LRRC43: variants seen among roughly 807,000 people sequenced by gnomAD.
LRRC43 encodes leucine rich repeat containing 43.
In LRRC43, 62 loss-of-function variants were observed where a neutral mutation model predicts 64.3. The ratio of observed to expected loss-of-function variants is 0.96; its 90% CI spans 0.79 to 1.19. The LOEUF is 1.19. Ranked by LOEUF, LRRC43 falls within the 50% of genes most tolerant of loss-of-function variation. The pLI is 0.00. For synonymous variants in LRRC43, 422 were observed against 382.3 expected (o/e 1.10, Z -1.21); for missense variants, 868 against 845.0 (o/e 1.03, Z -0.34).
chr12:122,202,806 CT>C (rs1305059648), intron 11 of LRRC43, among the ~76,000 whole-genome samples: 3 of 152,156 alleles, frequency 2.0e-5, no homozygotes, highest in African/African-American at 7.2e-5. Flanking sequence ...AAGAAAATAT[CT>C]GCAGCTGGGC....
upstream of LRRC43, among the ~76,000 whole-genome samples, chr12:122,181,000 G>A (rs1320251412): frequency 6.6e-6 from 1 of 151,620 alleles, no homozygotes; most frequent in Non-Finnish European, 1.5e-5. Flanking sequence ...TGGATCACTT[G>A]AGGTCAGGAA....
Position 122,187,831 on chromosome 12 carries a change from C to T in LRRC43, c.653C>T (p.Ala218Val). 2.5e-6 allele frequency: 4 copies of T among 1,614,068 alleles called. No homozygotes were observed. The highest frequency in any genetic ancestry group is 1.3e-5 in the African/African-American group (1 of 75,004). The change falls in exon 4 of 12, where the codon GCT becomes GTT. Residue 218 changes from alanine to valine, a missense_variant. Ala to Val is a moderately conservative substitution (Grantham distance 64). Transcript: ENST00000339777. Reference sequence around the variant, plus strand: ...CCCTTGGAAAGTCTCTACGTCACCGCTAATCACTGGTAACTCGGGAGCCCA... The same window carrying T: ...CCCTTGGAAAGTCTCTACGTCACCGTTAATCACTGGTAACTCGGGAGCCCA... ...LGPLESLYVT[A>V]NHWPNLVSLD...
At chr12:122,189,605 C>T (rs73219886) in intron 4 of LRRC43, 10 of 401,654 alleles carry the variant, frequency 2.5e-5, no homozygotes, top group Admixed American at 5.7e-5. Context: ...GGCCCCTTTC[C>T]TCCTGGGGTC....
Position 122,186,305 on chromosome 12 carries a change from A to G in LRRC43, c.522+5A>G. 6.4e-7 allele frequency: 1 copy of G among 1,573,038 alleles called. No homozygotes were observed. The highest frequency in any genetic ancestry group is 8.7e-7 in the Non-Finnish European group (1 of 1,154,774). ...AATCTGCCCCCCACACTCAAGGTGA[A>G]GGAGCCCCGGTCTGTGTTGAGTATT... On this transcript the variant is annotated splice_donor_5th_base_variant and intron_variant, in intron 3 of 11. Coordinates refer to ENST00000339777, the MANE Select transcript of LRRC43 (RefSeq NM_001098519.2).
At chr12:122,189,008 G>A (rs565392687) in intron 4 of LRRC43, among the ~76,000 whole-genome samples, 124 of 152,256 alleles carry the variant, frequency 8.1e-4, no homozygotes, top group Non-Finnish European at 1.3e-3. Flanking sequence ...AGCGCCAGCC[G>A]CTCCATCGCT....
At chr12:122,193,097 C>A in intron 7 of LRRC43, 93 bp downstream of exon 7, 1 of 1,402,938 alleles carries the variant, frequency 7.1e-7, no homozygotes. Context: ...AGTCCTGAGG[C>A]TGGCGGGGCG....
intron 1 of LRRC43, among the ~76,000 whole-genome samples, chr12:122,177,785 A>G: frequency 6.6e-6 from 1 of 151,776 alleles, no homozygotes; most frequent in East Asian, 1.9e-4. Context: ...CACAGGCGTG[A>G]GCCACTGCGC....
chr12:122,183,824 G>A (rs1339710131), intron 1 of LRRC43, among the ~76,000 whole-genome samples: 1 of 152,120 alleles, frequency 6.6e-6, no homozygotes, highest in Non-Finnish European at 1.5e-5. Context: ...CCAGGCTGGA[G>A]CATAGTGACG....
At chr12:122,194,649 T>C (rs1180167158) in intron 7 of LRRC43, among the ~76,000 whole-genome samples, 2 of 152,090 alleles carry the variant, frequency 1.3e-5, no homozygotes, top group Admixed American at 6.6e-5. Context: ...CCTTTCTCTC[T>C]TTTTTGTGGT....
intron 7 of LRRC43, among the ~76,000 whole-genome samples, chr12:122,197,548 C>A (rs779982634): frequency 6.6e-6 from 1 of 152,014 alleles, no homozygotes; most frequent in Non-Finnish European, 1.5e-5. Flanking sequence ...TTCGTCACGT[C>A]CGCAAGGTTG....
chr12:122,179,043 C>T (rs1593141792), upstream of LRRC43, among the ~76,000 whole-genome samples: 3 of 152,110 alleles, frequency 2.0e-5, no homozygotes, highest in Admixed American at 2.0e-4. Flanking sequence ...CTTTGGGGCT[C>T]GGGTGAGGTG....
chr12:122,186,153 C>T, intron 2 of LRRC43, 37 bp from the exon 3 acceptor site: 1 of 1,225,308 alleles, frequency 8.2e-7, no homozygotes, highest in Non-Finnish European at 1.2e-6. Flanking sequence ...TGCTCCCTCT[C>T]CTGCTACAGC....
chr12:122,192,979 G>A lies in LRRC43; in HGVS notation c.1324G>A (p.Asp442Asn). ...EELAKLRLRIDPRLCPSPGTV... is the reference protein window; with the variant it reads ...EELAKLRLRINPRLCPSPGTV... ...GCTGGCCAAGTTGAGGCTGCGTATA[G>A]ATCCCCGGCTCTGCCCGTCCCCAGG... The change falls in exon 7 of 12, where the codon GAT becomes AAT. Residue 442 changes from aspartate (D) to asparagine (N), a missense_variant. Transcript: ENST00000339777. 6.2e-7 allele frequency: 1 copy of A among 1,613,934 alleles called. No homozygotes were observed. Among genetic ancestry groups the A allele is most frequent in the Non-Finnish European group, 8.5e-7 (1 of 1,179,960 alleles).
At chr12:122,190,873 G>A (rs1566010095) in intron 5 of LRRC43, among the ~76,000 whole-genome samples, 1 of 151,228 alleles carries the variant, frequency 6.6e-6, no homozygotes, top group South Asian at 2.1e-4. Flanking sequence ...AAAAGGTGGT[G>A]TGGGAGGATC....
intron 6 of LRRC43, 118 bp from the exon 7 acceptor site, chr12:122,192,627 G>A: frequency 8.5e-7 from 1 of 1,177,680 alleles, no homozygotes; most frequent in Non-Finnish European, 1.2e-6. Context: ...AGCGTGGTGT[G>A]TCTGCTCATG....
intron 1 of LRRC43, among the ~76,000 whole-genome samples, chr12:122,170,458 C>A (rs961687732): frequency 2.0e-5 from 3 of 151,954 alleles, no homozygotes; most frequent in African/African-American, 7.2e-5. Context: ...GGTGAAACCC[C>A]GTCTCTACTA....
At chr12:122,187,314 G>A (rs542772958) in intron 3 of LRRC43, 1 of 161,948 alleles carries the variant, frequency 6.2e-6, no homozygotes, top group East Asian at 1.7e-4. Flanking sequence ...AAAGGTGGGT[G>A]AGGCCGTGGA....
intron 1 of LRRC43, chr12:122,174,284 T>C: frequency 7.8e-7 from 1 of 1,277,084 alleles, no homozygotes; most frequent in African/African-American, 1.5e-5. Context: ...GCAGTCAGCG[T>C]CCCGCCCATG....
Position 122,200,404 on chromosome 12 carries a change from T to A in LRRC43, c.1491+74T>A. 6.2e-7 allele frequency: 1 copy of A among 1,605,066 alleles called. No individual in the cohort carries two copies. Among genetic ancestry groups the A allele is most frequent in the Non-Finnish European group, 8.5e-7 (1 of 1,174,246 alleles). ...CCTTGTTCCTGTTCCCATCGGGCTG[T>A]CCCCCATGGGAGCCGCACTCCCTGG... is the stretch of plus-strand genomic sequence containing the variant. On this transcript the variant is annotated intron_variant, in intron 8 of 11. Transcript: ENST00000339777. The surrounding 1 kb of genome is among the most constrained non-coding windows in gnomAD (Gnocchi z 4.6).
Sources: allele counts gnomAD v4.1 joint callset (sites outside exome capture counted in the v4.1 genomes callset), GRCh38; gene constraint gnomAD v4.1.1; non-coding constraint Gnocchi (gnomAD v3.1); transcripts MANE v1.5; gene names NCBI Gene and HGNC (gene_info 2026-07-23, HGNC 2026-07-21).